Variants in TRPM2 observed in about 807,000 individuals in gnomAD.
TRPM2 encodes the protein transient receptor potential cation channel subfamily M member 2.
Under a neutral mutation model 174.0 loss-of-function variants are expected in TRPM2, and 161 were observed. That is an observed-to-expected ratio of 0.93 (90% CI 0.81 to 1.05). The LOEUF (loss-of-function observed/expected upper bound fraction) is 1.05. TRPM2 is among the 50% of genes least tolerant of loss of function. The pLI is 0.00. For synonymous variants in TRPM2, 954 were observed against 861.3 expected, an observed-to-expected ratio of 1.11 and a Z score of -1.88; for missense variants, 2,057 against 2,038.0, an observed-to-expected ratio of 1.01 and a Z score of -0.18.
At chr21:44,407,109 C>T (rs2049921149) in intron 19 of TRPM2, among the ~76,000 whole-genome samples, 1 of 45,802 alleles carries the variant, frequency 2.2e-5, no homozygotes, top group Non-Finnish European at 5.0e-5. Context: ...TAACTTCCTT[C>T]TTCTCTTGAT....
In TRPM2 at chr21:44,405,222, CG is replaced by C; in HGVS notation, c.2621del (p.Gly874AlafsTer10). On this transcript the variant is annotated frameshift_variant, in exon 17 of 32. Coordinates refer to ENST00000397928, the MANE Select transcript of TRPM2 (RefSeq NM_003307.4). LOFTEE classifies it high-confidence loss of function. ...GTGACTTCTGGAATAAGCTGGACGT[CG>C]GCGCAATCTTGCTCTTCGTGGCAGG... ...FSDFWNKLDV[G>X]AILLFVAGLT... 1 of 1,613,376 alleles carries C rather than the reference CG, an allele frequency of 6.2e-7. No individual in the cohort carries two copies. The highest frequency in any genetic ancestry group is 1.1e-5 in the South Asian group (1 of 91,082).
In TRPM2 at chr21:44,401,855, C is replaced by G. The variant is rs750090816; in HGVS notation, c.2496C>G (p.Ile832Met). 9 of 1,613,804 alleles carry G rather than the reference C, an allele frequency of 5.6e-6. No individual in the cohort carries two copies. Among genetic ancestry groups the G allele is most frequent in the Admixed American group, 1.7e-5 (1 of 60,002 alleles). ...TGCCCTCCTGGTGCGAGTGTGCCAT[C>G]TACCTCTGGCTCTTCTCCTTGGTGT... Reference protein sequence around the residue: ...QPVPSWCECAIYLWLFSLVCE... With the variant: ...QPVPSWCECAMYLWLFSLVCE... The change falls in exon 16 of 32, where the codon ATC becomes ATG. Residue 832 changes from isoleucine (I) to methionine (M), a missense_variant. Ile to Met is a conservative substitution (Grantham distance 10). Transcript: ENST00000397928.
chr21:44,391,527 C>A lies in TRPM2; in HGVS notation c.1696C>A (p.Arg566=). The A allele has an allele frequency of 6.2e-7, 1 of 1,606,756 alleles. No individual in the cohort carries two copies. Among genetic ancestry groups the A allele is most frequent in the Non-Finnish European group, 8.5e-7 (1 of 1,178,864 alleles). Reference sequence around the variant, plus strand: ...GATGCACCACGTGGCCCAGGTGCTGCGGGAGCTGCTGGGGGACTTCACGCA... The same window carrying A: ...GATGCACCACGTGGCCCAGGTGCTGAGGGAGCTGCTGGGGGACTTCACGCA... ...LQMHHVAQVL[R]ELLGDFTQPL... Residue 566 remains arginine (R), a synonymous_variant, in exon 11 of 32, where the codon CGG becomes AGG. Transcript: ENST00000397928. The surrounding 1 kb of genome is among the most constrained non-coding windows in gnomAD (Gnocchi z 5.0).
intron 5 of TRPM2, among the ~76,000 whole-genome samples, chr21:44,370,012 T>C (rs922481614): frequency 6.6e-6 from 1 of 151,620 alleles, no homozygotes; most frequent in Non-Finnish European, 1.5e-5. Context: ...GAGGAGCAGG[T>C]GGAGTGTGCG....
intron 2 of TRPM2, among the ~76,000 whole-genome samples, chr21:44,360,283 T>C (rs1302873813): frequency 1.3e-5 from 2 of 151,856 alleles, no homozygotes; most frequent in African/African-American, 4.8e-5. Context: ...GGAGGCAGAG[T>C]AGCAGGTCCT....
chr21:44,408,218 A>T (rs2049971754), intron 19 of TRPM2, among the ~76,000 whole-genome samples: 1 of 152,088 alleles, frequency 6.6e-6, no homozygotes, highest in Non-Finnish European at 1.5e-5. Flanking sequence ...AAGTGCTGGG[A>T]TGACAGGTGT....
rs2048291045 is a variant in TRPM2 at position 44,364,121 on chromosome 21, G to A, written c.262G>A (p.Val88Met). The A allele has an allele frequency of 6.2e-7, 1 of 1,613,632 alleles. No homozygotes were observed. The highest frequency in any genetic ancestry group is 8.5e-7 in the Non-Finnish European group (1 of 1,179,804). Residue 88 changes from valine to methionine, a missense_variant, in exon 3 of 32, where the codon GTG (valine) becomes ATG (methionine). By Grantham distance (21) the Val-to-Met change is conservative (BLOSUM62 1). Coordinates refer to ENST00000397928, the MANE Select transcript of TRPM2 (RefSeq NM_003307.4). ...GGTGCTGTGTCTTTGCAGGAAGGTG[G>A]TGTGTCAGTGTGGCTACACGCATGA... ...SSKLSDAGKV[V>M]CQCGYTHEQH...
intron 20 of TRPM2, among the ~76,000 whole-genome samples, chr21:44,414,315 G>A (rs1329629697): frequency 6.6e-6 from 1 of 152,244 alleles, no homozygotes. Context: ...GGCTGCTGGG[G>A]ACCCGCGGTG....
chr21:44,359,682 A>G (rs1248544679), intron 2 of TRPM2, among the ~76,000 whole-genome samples: 1 of 148,650 alleles, frequency 6.7e-6, no homozygotes, highest in East Asian at 1.9e-4. Context: ...TCCATTTTAC[A>G]GAGCACTGAT....
At chr21:44,441,101 G>A (rs904795579) in intron 31 of TRPM2, among the ~76,000 whole-genome samples, 196 bp downstream of exon 31, 3 of 152,204 alleles carry the variant, frequency 2.0e-5, no homozygotes, top group African/African-American at 7.2e-5. Flanking sequence ...TTCCAAGGGA[G>A]GGACCTGGCC....
At chr21:44,423,392 G>T in intron 22 of TRPM2, 1 of 494,944 alleles carries the variant, frequency 2.0e-6, no homozygotes, top group Non-Finnish European at 3.7e-6. Context: ...CTCTCTCCTG[G>T]GACCGACAGG....
At position 44,409,609 on chromosome 21, in the gene TRPM2, T is replaced by C. The variant is rs1485479593; in HGVS notation, c.2962+2844T>C. On this transcript the variant is annotated intron_variant, in intron 19 of 31. Transcript: ENST00000397928. The stretch of plus-strand genomic sequence containing the variant: ...CACTGTCTTGGTTGGCGTAGCCTTG[T>C]AGTGAGTTTTGACTGCACTGTCTTG... Among the ~76,000 whole-genome samples the C allele has an allele frequency of 2.0e-5, 3 of 147,906 alleles. 1 individual carries two copies. The highest frequency in any genetic ancestry group is 4.5e-5 in the Non-Finnish European group (3 of 67,000).
chr21:44,440,308 A>C (rs1162147868), intron 30 of TRPM2, among the ~76,000 whole-genome samples: 6 of 6,464 alleles, frequency 9.3e-4, no homozygotes, highest in South Asian at 7.9e-3. Flanking sequence ...TGCGCTCAAA[A>C]AAAAAAAAAA....
At position 44,376,198 on chromosome 21, in the gene TRPM2, G is replaced by A. The variant is rs1384860680; in HGVS notation, c.952+185G>A. ...ATTCGTGGCACTCGGCAGAGAGCGC[G>A]GTGAGCTGGTCAGACTGTCAGGTAC... On this transcript the variant is annotated intron_variant, in intron 6 of 31. Transcript: ENST00000397928. The surrounding 1 kb of genome is among the most constrained non-coding windows in gnomAD (Gnocchi z 4.2). Among the ~76,000 whole-genome samples, 1 of 152,134 alleles carries A rather than the reference G, an allele frequency of 6.6e-6. No homozygotes were observed. The highest frequency in any genetic ancestry group is 2.1e-4 in the South Asian group (1 of 4,808).
chr21:44,377,864 C>A, intron 7 of TRPM2, 91 bp downstream of exon 7: 1 of 1,439,564 alleles, frequency 6.9e-7, no homozygotes, highest in Non-Finnish European at 9.6e-7. Flanking sequence ...GAACTCAAGA[C>A]TGTTGGCAAG....
At chr21:44,380,201 T>C (rs1276184487) in intron 8 of TRPM2, among the ~76,000 whole-genome samples, 4 of 152,230 alleles carry the variant, frequency 2.6e-5, no homozygotes, top group Non-Finnish European at 5.9e-5. Context: ...GTGACCTTGT[T>C]TCCTTCTGTG....
intron 9 of TRPM2, among the ~76,000 whole-genome samples, chr21:44,390,623 G>A (rs2049143976): frequency 1.3e-5 from 2 of 152,146 alleles, no homozygotes. Flanking sequence ...CTGCCCACCT[G>A]TCGCTTAGGG....
chr21:44,411,279 GT>G (rs1236449040), intron 19 of TRPM2, among the ~76,000 whole-genome samples: 7 of 152,074 alleles, frequency 4.6e-5, no homozygotes, highest in African/African-American at 1.7e-4. Flanking sequence ...TCTCAATAAT[GT>G]TTTATAGTTT....
At position 44,391,787 on chromosome 21, in the gene TRPM2, C is replaced by G. The variant is rs975250273; in HGVS notation, c.1794+162C>G. ...CTGTAACAAAATTCCACAGATGGGGCAGAAACTACCAGTTTATTTTCTCGA... is the reference window on the plus strand; with the variant it reads ...CTGTAACAAAATTCCACAGATGGGGGAGAAACTACCAGTTTATTTTCTCGA... On this transcript the variant is annotated intron_variant, in intron 11 of 31. Transcript: ENST00000397928. The surrounding 1 kb of genome is among the most constrained non-coding windows in gnomAD (Gnocchi z 5.0). 6.6e-6 allele frequency among the ~76,000 whole-genome samples: 1 copy of G among 152,194 alleles called. No homozygotes were observed. Among genetic ancestry groups the G allele is most frequent in the Non-Finnish European group, 1.5e-5 (1 of 68,042 alleles).
Sources: gnomAD v4.1 joint callset for allele counts (sites outside exome capture counted in the v4.1 genomes callset) on GRCh38, gnomAD v4.1.1 for gene constraint, Gnocchi (gnomAD v3.1) non-coding constraint, MANE v1.5 for transcripts, NCBI Gene and HGNC (gene_info 2026-07-23, HGNC 2026-07-21) for gene names.